Variants in DIS3L2 observed in about 807,000 individuals in gnomAD.
The protein encoded by DIS3L2 is DIS3-like exonuclease 2.
A neutral mutation model predicts 97.5 loss-of-function variants in DIS3L2; 34 were observed. The ratio of observed to expected loss-of-function variants is 0.35; its 90% CI spans 0.27 to 0.46. DIS3L2 has a LOEUF of 0.46. Among genes scored for constraint, DIS3L2 ranks in the 20% least tolerant of loss-of-function variants. The pLI is 1.00. For synonymous variants in DIS3L2, 435 were observed against 445.2 expected, an observed-to-expected ratio of 0.98 and a Z score of 0.29; for missense variants, 1,038 against 1,146.0, an observed-to-expected ratio of 0.91 and a Z score of 1.36.
At chr2:232,262,327 C>G (rs1427766684) in intron 12 of DIS3L2, among the ~76,000 whole-genome samples, 1 of 152,156 alleles carries the variant, frequency 6.6e-6, no homozygotes, top group Non-Finnish European at 1.5e-5. Flanking sequence ...TTTTAATGTC[C>G]TTTTTTTGTT....
At chr2:232,234,976 G>A (rs1350784732) in intron 10 of DIS3L2, among the ~76,000 whole-genome samples, 1 of 152,238 alleles carries the variant, frequency 6.6e-6, no homozygotes, top group Admixed American at 6.5e-5. Context: ...TGGGGAAGTG[G>A]CTGCACTGGT....
intron 1 of DIS3L2, among the ~76,000 whole-genome samples, chr2:231,994,288 A>G (rs1181047631): frequency 1.3e-5 from 2 of 152,070 alleles, no homozygotes; most frequent in Non-Finnish European, 2.9e-5. Context: ...TGCTATAGCT[A>G]TATAGCTTAA....
chr2:232,005,679 A>G (rs1200512465), intron 1 of DIS3L2, among the ~76,000 whole-genome samples: 1 of 152,180 alleles, frequency 6.6e-6, no homozygotes, highest in African/African-American at 2.4e-5. Context: ...ATCTATAGGT[A>G]GTTGTTTCTG....
At chr2:231,994,688 A>G (rs912447109) in intron 1 of DIS3L2, among the ~76,000 whole-genome samples, 2 of 152,176 alleles carry the variant, frequency 1.3e-5, no homozygotes, top group Non-Finnish European at 2.9e-5. Flanking sequence ...ACACTTAACT[A>G]TAAAGTTACT....
At chr2:232,018,045 T>C (rs1694404936) in intron 3 of DIS3L2, among the ~76,000 whole-genome samples, 1 of 152,186 alleles carries the variant, frequency 6.6e-6, no homozygotes, top group Non-Finnish European at 1.5e-5. Context: ...ACTTACTGAC[T>C]GAATAAAGGA....
chr2:232,062,127 A>C (rs1419339856), intron 5 of DIS3L2, among the ~76,000 whole-genome samples: 1 of 152,136 alleles, frequency 6.6e-6, no homozygotes, highest in Non-Finnish European at 1.5e-5. Context: ...GCCGAGATGA[A>C]GGAAAGTCGG....
intron 13 of DIS3L2, among the ~76,000 whole-genome samples, chr2:232,286,223 C>T (rs1004379654): frequency 6.6e-6 from 1 of 152,204 alleles, no homozygotes; most frequent in Non-Finnish European, 1.5e-5. Context: ...TAGGGCCTCC[C>T]TGATGCTGGT....
intron 12 of DIS3L2, among the ~76,000 whole-genome samples, chr2:232,262,418 C>T (rs1415539170): frequency 2.0e-5 from 3 of 152,250 alleles, no homozygotes; most frequent in African/African-American, 7.2e-5. Context: ...TCCCACCGCT[C>T]GGCTGGCACC....
intron 9 of DIS3L2, among the ~76,000 whole-genome samples, chr2:232,176,258 T>C (rs1381423480): frequency 6.6e-6 from 1 of 152,214 alleles, no homozygotes; most frequent in Non-Finnish European, 1.5e-5. Context: ...TTATTAGTAT[T>C]CCCTTATAAT....
chr2:232,227,977 G>C (rs967787732), intron 10 of DIS3L2, among the ~76,000 whole-genome samples: 2 of 152,072 alleles, frequency 1.3e-5, no homozygotes, highest in Non-Finnish European at 1.5e-5. Flanking sequence ...ATTTTTGTTT[G>C]TTTGTTTGAG....
intron 11 of DIS3L2, among the ~76,000 whole-genome samples, chr2:232,245,274 A>T (rs1259608079): frequency 6.6e-6 from 1 of 152,158 alleles, no homozygotes; most frequent in Non-Finnish European, 1.5e-5. Context: ...ACCTGGGTGC[A>T]TGGACTGTTG....
intron 13 of DIS3L2, among the ~76,000 whole-genome samples, chr2:232,288,909 A>C (rs572778717): frequency 7.0e-4 from 107 of 152,366 alleles, no homozygotes; most frequent in Non-Finnish European, 1.0e-3. Flanking sequence ...GGAAATGAAC[A>C]GTGAGCTGCA....
intron 5 of DIS3L2, among the ~76,000 whole-genome samples, chr2:232,042,879 G>A (rs1237308219): frequency 1.3e-4 from 20 of 152,124 alleles, no homozygotes; most frequent in Admixed American, 1.2e-3. Flanking sequence ...AATACTTAGG[G>A]CAGTGATGGC....
intron 14 of DIS3L2, among the ~76,000 whole-genome samples, chr2:232,304,429 C>G (rs1004244050): frequency 6.6e-6 from 1 of 152,200 alleles, no homozygotes; most frequent in Non-Finnish European, 1.5e-5. Flanking sequence ...GTATAAGGAG[C>G]AAAGCGCACT....
intron 9 of DIS3L2, among the ~76,000 whole-genome samples, chr2:232,169,025 G>A (rs958744942): frequency 2.0e-5 from 3 of 152,154 alleles, no homozygotes; most frequent in Admixed American, 6.6e-5. Flanking sequence ...TTTGGTGGCA[G>A]AAGAACATGA....
At chr2:232,090,707 A>G (rs940467162) in intron 6 of DIS3L2, among the ~76,000 whole-genome samples, 1 of 152,206 alleles carries the variant, frequency 6.6e-6, no homozygotes, top group Non-Finnish European at 1.5e-5. Context: ...TTTGTGTTCT[A>G]CTTGCAAGTG....
chr2:232,183,399 G>A (rs144442082), intron 9 of DIS3L2, among the ~76,000 whole-genome samples: 18 of 152,306 alleles, frequency 1.2e-4, no homozygotes, highest in African/African-American at 3.6e-4. Flanking sequence ...GTCTCTTAGC[G>A]TTTGTTAAGA....
At chr2:232,337,684 G>A (rs7422274), downstream of DIS3L2, among the ~76,000 whole-genome samples, 14,408 of 151,822 alleles carry the variant, frequency 0.095, 889 homozygotes, top group African/African-American at 0.17. Context: ...TGGTGAGCAC[G>A]GCCTCTGTTC....
intron 14 of DIS3L2, among the ~76,000 whole-genome samples, chr2:232,300,945 C>T (rs1694839014): frequency 6.6e-6 from 1 of 151,502 alleles, no homozygotes; most frequent in South Asian, 2.1e-4. Context: ...TGAGCCACCA[C>T]ACCCAGCCAC....
Sources: allele counts gnomAD v4.1 joint callset (sites outside exome capture counted in the v4.1 genomes callset), GRCh38; gene constraint gnomAD v4.1.1; transcripts MANE v1.5; gene names NCBI Gene and HGNC (gene_info 2026-07-23, HGNC 2026-07-21).